The following BCAP31 variants were observed in gnomAD, a reference collection of about 807,000 sequenced individuals.
The protein encoded by BCAP31 is B cell receptor associated protein 31.
For synonymous variants in BCAP31, 75 were observed against 80.9 expected, an observed-to-expected ratio of 0.93 and a Z score of 0.39; for missense variants, 124 against 193.0, an observed-to-expected ratio of 0.64 and a Z score of 2.12.
chrX:153,720,838 G>A (rs1557050875), intron 3 of BCAP31, 34 bp downstream of exon 3: 2 of 1,184,589 alleles, frequency 1.7e-6, no homozygotes, highest in South Asian at 3.6e-5. Flanking sequence ...CAGGGTCTAG[G>A]TCAGGTAGCT....
At position 153,723,578 on chromosome X, in the gene BCAP31, C is replaced by G. The variant is rs1557051565; in HGVS notation, c.-44-290G>C. 8.6e-7 allele frequency: 1 copy of G among 1,168,202 alleles called. No homozygotes were observed. Among genetic ancestry groups the G allele is most frequent in the Non-Finnish European group, 1.1e-6 (1 of 873,079 alleles). ...CCGACGATCCCTGCCCCAGGAAGCCCGAGATTTCCGACGCCCGTTTAACTG... is the reference window on the plus strand; with the variant it reads ...CCGACGATCCCTGCCCCAGGAAGCCGGAGATTTCCGACGCCCGTTTAACTG... On this transcript the variant is annotated intron_variant, in intron 1 of 7. Transcript: ENST00000345046.
chrX:153,704,194 C>T (rs2088780975), intron 4 of BCAP31, 100 bp from the exon 5 acceptor site: 1 of 937,162 alleles, frequency 1.1e-6, no homozygotes, highest in Non-Finnish European at 1.4e-6. Context: ...TAGCTCCAGC[C>T]TGGACCTGCC....
At chrX:153,707,131 C>A (rs1443961928) in intron 4 of BCAP31, among the ~76,000 whole-genome samples, 2 of 111,258 alleles carry the variant, frequency 1.8e-5, no homozygotes, top group African/African-American at 3.3e-5. Flanking sequence ...CACCTCCCCC[C>A]AGAAACCCTT....
intron 3 of BCAP31, among the ~76,000 whole-genome samples, chrX:153,718,953 C>T (rs2091647247): frequency 8.9e-6 from 1 of 111,981 alleles, no homozygotes; most frequent in Admixed American, 9.5e-5. Flanking sequence ...GCCCCTTACC[C>T]TTCACTAGTA....
chrX:153,707,449 C>T (rs1357772468), intron 4 of BCAP31, among the ~76,000 whole-genome samples: 1 of 110,805 alleles, frequency 9.0e-6, no homozygotes, highest in Non-Finnish European at 1.9e-5. Flanking sequence ...GGAAATGCTC[C>T]CTGACAGGTG....
chrX:153,703,181 C>T, intron 5 of BCAP31, 123 bp from the exon 6 acceptor site: 1 of 983,703 alleles, frequency 1.0e-6, no homozygotes, highest in South Asian at 2.2e-5. Context: ...TCGGAAATGT[C>T]AACGCGGAAC....
chrX:153,703,037 T>C lies in BCAP31; in HGVS notation c.499A>G (p.Lys167Glu), dbSNP rs781895666. Residue 167 changes from lysine (K) to glutamate (E), a missense_variant, in exon 6 of 8, where the codon AAG (lysine) becomes GAG (glutamate). Lys to Glu is a moderately conservative substitution (Grantham distance 56). Coordinates refer to ENST00000345046, the MANE Select transcript of BCAP31 (RefSeq NM_001256447.2). ...ACCTCAGCATTCCCGACATCCAACT[T>C]GCCTCCGTCAACAGCAGCTCCCTGG... ...LKKGAAVDGG[K>E]LDVGNAEVKL... is the part of the protein sequence containing the mutation. 9.1e-6 allele frequency: 11 copies of C among 1,208,468 alleles called. No homozygotes were observed. In the East Asian group the frequency reaches 3.0e-4, roughly 33 times the overall value.
intron 1 of BCAP31, chrX:153,723,977 G>C: frequency 2.4e-6 from 1 of 419,115 alleles, no homozygotes; most frequent in Non-Finnish European, 4.4e-6. Context: ...TACGGAGAAA[G>C]TTCTAGACGC....
At chrX:153,719,465 G>C (rs1457273582) in intron 3 of BCAP31, among the ~76,000 whole-genome samples, 1 of 112,524 alleles carries the variant, frequency 8.9e-6, no homozygotes, top group Non-Finnish European at 1.9e-5. Context: ...ACCCTATGTG[G>C]TTGGAAGCTG....
chrX:153,714,840 T>G (rs782381960), intron 4 of BCAP31, among the ~76,000 whole-genome samples: 31 of 110,862 alleles, frequency 2.8e-4, no homozygotes, highest in Non-Finnish European at 4.9e-4. Flanking sequence ...GCAAGCGCCT[T>G]TCCAATGCCT....
intron 4 of BCAP31, among the ~76,000 whole-genome samples, chrX:153,712,467 A>G (rs1281776376): frequency 1.8e-5 from 2 of 112,004 alleles, no homozygotes; most frequent in African/African-American, 6.5e-5. Context: ...GTTGTCCCAG[A>G]AAAACATTCA....
At chrX:153,705,019 G>A (rs1354844272) in intron 4 of BCAP31, 1 of 111,718 alleles carries the variant, frequency 9.0e-6, no homozygotes, top group Non-Finnish European at 1.9e-5. Flanking sequence ...CAGGAAGAGA[G>A]GAGGGAAGGA....
intron 1 of BCAP31, 105 bp from the exon 2 acceptor site, chrX:153,723,393 C>T: frequency 8.9e-7 from 1 of 1,128,520 alleles, no homozygotes; most frequent in Non-Finnish European, 1.2e-6. Context: ...CCCTGACCCC[C>T]TGCACTTTGC....
At chrX:153,703,557 C>T (rs782534413) in intron 5 of BCAP31, among the ~76,000 whole-genome samples, 101 of 113,205 alleles carry the variant, frequency 8.9e-4, no homozygotes, top group African/African-American at 3.0e-3. Context: ...CTACCCTGCC[C>T]CCACCTCCTC....
At chrX:153,721,861 T>C (rs1308062545) in intron 2 of BCAP31, among the ~76,000 whole-genome samples, 1 of 108,426 alleles carries the variant, frequency 9.2e-6, no homozygotes, top group Non-Finnish European at 1.9e-5. Flanking sequence ...ACCACACCAC[T>C]GCACTCCAGC....
Position 153,724,082 on chromosome X carries a change from C to T in BCAP31, c.-45+252G>A, listed in dbSNP as rs190031709. ...CCTCCGACTTGGCCCCGGCCTGGCA[C>T]ACCGTCCCGGAGGCCCATCCCGGCC... On this transcript the variant is annotated intron_variant, in intron 1 of 7. Coordinates refer to ENST00000345046, the MANE Select transcript of BCAP31 (RefSeq NM_001256447.2). The T allele has an allele frequency of 0.014, 4,418 of 316,317 alleles. 31 individuals carry two copies. The highest frequency in any genetic ancestry group is 0.018 in the Non-Finnish European group (2,974 of 165,236). 26.1% of individuals were successfully genotyped at this position (316,317 alleles called of 1,213,427 possible). A position where few individuals can be genotyped will look rare whatever the true frequency, so the allele number is the denominator to read the frequency against.
intron 4 of BCAP31, among the ~76,000 whole-genome samples, chrX:153,710,428 G>A (rs2091583360): frequency 8.9e-6 from 1 of 111,852 alleles, no homozygotes; most frequent in Non-Finnish European, 1.9e-5. Flanking sequence ...ACTTGACACC[G>A]TGAAAGCGCC....
chrX:153,714,585 T>C (rs782486300), intron 4 of BCAP31, among the ~76,000 whole-genome samples: 2 of 110,981 alleles, frequency 1.8e-5, no homozygotes, highest in African/African-American at 3.3e-5. Flanking sequence ...GTAGTCATCG[T>C]AGCGCCTAGT....
rs1426273376 is a variant in BCAP31 at position 153,701,484 on chromosome X, G to A, written c.703-509C>T. On this transcript the variant is annotated intron_variant, in intron 7 of 7. Coordinates refer to ENST00000345046, the MANE Select transcript of BCAP31 (RefSeq NM_001256447.2). ...TATTTATGTGGCCCTCACTCCCAAC[G>A]TCAAGACCGCCTGGGCTTCCAGATG... Among the ~76,000 whole-genome samples, 6 of 112,744 alleles carry A rather than the reference G, an allele frequency of 5.3e-5. No homozygotes were observed. The East Asian group carries it at 8.4e-4, about 16-fold the overall frequency.
Sources: gnomAD v4.1 joint callset for allele counts (sites outside exome capture counted in the v4.1 genomes callset) on GRCh38, gnomAD v4.1.1 for gene constraint, MANE v1.5 for transcripts, NCBI Gene and HGNC (gene_info 2026-07-23, HGNC 2026-07-21) for gene names.